LSAMP: variants seen among roughly 807,000 people sequenced by gnomAD.
The protein encoded by LSAMP is limbic system associated membrane protein.
Under a neutral mutation model 38.6 loss-of-function variants are expected in LSAMP, and 7 were observed. The ratio of observed to expected loss-of-function variants is 0.18; its 90% CI spans 0.10 to 0.34. The LOEUF is 0.34. LSAMP is among the 10% of genes least tolerant of loss of function. LSAMP has a pLI of 1.00. For missense variants in LSAMP, 313 were observed against 420.0 expected (o/e 0.75, Z 2.23); for synonymous variants, 154 against 166.8 (o/e 0.92, Z 0.59).
chr3:115,854,733 T>C (rs1220801646), intron 3 of LSAMP, among the ~76,000 whole-genome samples: 1 of 152,178 alleles, frequency 6.6e-6, no homozygotes, highest in Non-Finnish European at 1.5e-5. Context: ...GCATATTGTT[T>C]CTATGCACTA....
chr3:116,330,557 C>A (rs1030754846), intron 1 of LSAMP, among the ~76,000 whole-genome samples: 69 of 151,908 alleles, frequency 4.5e-4, no homozygotes, highest in African/African-American at 9.2e-4. Context: ...CTCCCCCCCC[C>A]ACAACCTTTT....
intron 3 of LSAMP, among the ~76,000 whole-genome samples, chr3:115,934,796 C>T (rs1287854115): frequency 6.6e-6 from 1 of 152,152 alleles, no homozygotes; most frequent in Non-Finnish European, 1.5e-5. Flanking sequence ...GCCTCTGTGT[C>T]ATTTTCTAAC....
chr3:116,034,397 T>G (rs1302165018), intron 2 of LSAMP, among the ~76,000 whole-genome samples: 1 of 152,118 alleles, frequency 6.6e-6, no homozygotes, highest in Non-Finnish European at 1.5e-5. Flanking sequence ...CCCTGTCTGT[T>G]CCTCTACCCA....
At chr3:116,130,212 C>T (rs1709093906) in intron 1 of LSAMP, among the ~76,000 whole-genome samples, 1 of 152,178 alleles carries the variant, frequency 6.6e-6, no homozygotes, top group Non-Finnish European at 1.5e-5. Context: ...CTCTCCTATC[C>T]CCTCATTACC....
At chr3:116,395,739 T>C (rs2048758893) in intron 1 of LSAMP, among the ~76,000 whole-genome samples, 1 of 152,182 alleles carries the variant, frequency 6.6e-6, no homozygotes, top group Non-Finnish European at 1.5e-5. Context: ...GTTTTGATTT[T>C]TAAAGTATTT....
chr3:116,053,472 AT>A (rs1238331502), intron 2 of LSAMP, among the ~76,000 whole-genome samples: 2 of 152,216 alleles, frequency 1.3e-5, no homozygotes, highest in Non-Finnish European at 2.9e-5. Flanking sequence ...AGGAAAGGTA[AT>A]TTATGAATTG....
At chr3:116,397,066 T>C (rs949282352) in intron 1 of LSAMP, among the ~76,000 whole-genome samples, 7 of 152,298 alleles carry the variant, frequency 4.6e-5, no homozygotes, top group Middle Eastern at 6.8e-3. Context: ...AGGTTGTTCT[T>C]TGAAAACGTT....
intron 1 of LSAMP, among the ~76,000 whole-genome samples, chr3:116,316,360 G>C (rs913636404): frequency 6.6e-6 from 1 of 152,138 alleles, no homozygotes; most frequent in Non-Finnish European, 1.5e-5. Context: ...ATTCATCAAA[G>C]TACCCTCCAT....
chr3:116,130,415 T>C (rs1709098610), intron 1 of LSAMP, among the ~76,000 whole-genome samples: 1 of 152,234 alleles, frequency 6.6e-6, no homozygotes, highest in Admixed American at 6.5e-5. Flanking sequence ...AGTTCTTACA[T>C]GAGGTGGCTT....
chr3:115,837,078 G>A (rs900063381), intron 6 of LSAMP, among the ~76,000 whole-genome samples: 1 of 152,154 alleles, frequency 6.6e-6, no homozygotes, highest in African/African-American at 2.4e-5. Flanking sequence ...GCATCATCAA[G>A]TGCTGTATGT....
chr3:116,391,359 CA>C (rs1441934413), intron 1 of LSAMP, among the ~76,000 whole-genome samples: 1 of 152,162 alleles, frequency 6.6e-6, no homozygotes, highest in Non-Finnish European at 1.5e-5. Context: ...TGCAGCCAGG[CA>C]GGACCCACTC....
chr3:115,866,393 A>G (rs1935859872), intron 3 of LSAMP, among the ~76,000 whole-genome samples: 1 of 152,130 alleles, frequency 6.6e-6, no homozygotes, highest in Non-Finnish European at 1.5e-5. Flanking sequence ...TATAATCACT[A>G]GATTTCCTTA....
intron 1 of LSAMP, among the ~76,000 whole-genome samples, chr3:116,293,454 A>G (rs966944902): frequency 6.6e-6 from 1 of 152,178 alleles, no homozygotes; most frequent in Non-Finnish European, 1.5e-5. Flanking sequence ...CAGAAATCCC[A>G]ACTGTTCTTA....
At chr3:115,908,833 TGTC>T (rs1244274688) in intron 3 of LSAMP, among the ~76,000 whole-genome samples, 1 of 152,180 alleles carries the variant, frequency 6.6e-6, no homozygotes, top group Non-Finnish European at 1.5e-5. Context: ...GCAGCTTGCC[TGTC>T]GTCATCTCCA....
intron 1 of LSAMP, among the ~76,000 whole-genome samples, chr3:116,400,897 G>A (rs2048832199): frequency 6.6e-6 from 1 of 152,088 alleles, no homozygotes; most frequent in African/African-American, 2.4e-5. Context: ...CAGTGGTTTG[G>A]TTGTACTGCT....
chr3:116,082,309 G>A (rs192319374), intron 2 of LSAMP, among the ~76,000 whole-genome samples: 4 of 152,112 alleles, frequency 2.6e-5, no homozygotes, highest in East Asian at 1.9e-4. Context: ...ACAAGAAAAC[G>A]AACAAGCAGG....
intron 1 of LSAMP, among the ~76,000 whole-genome samples, chr3:116,405,625 A>C (rs2048888783): frequency 6.6e-6 from 1 of 152,198 alleles, no homozygotes; most frequent in Admixed American, 6.6e-5. Context: ...CAACAGAAGC[A>C]CTAAGTTATA....
chr3:116,438,687 C>G (rs2049388758), intron 1 of LSAMP, among the ~76,000 whole-genome samples: 1 of 152,166 alleles, frequency 6.6e-6, no homozygotes, highest in African/African-American at 2.4e-5. Context: ...TTAGTGATAG[C>G]ATTAGAAGCA....
chr3:115,815,214 A>G (rs1241347845), intron 6 of LSAMP, among the ~76,000 whole-genome samples: 1 of 152,150 alleles, frequency 6.6e-6, no homozygotes, highest in African/African-American at 2.4e-5. Context: ...TTGTTTTATT[A>G]TTATTGTAGT....
Sources: allele counts gnomAD v4.1 joint callset (sites outside exome capture counted in the v4.1 genomes callset), GRCh38; gene constraint gnomAD v4.1.1; transcripts MANE v1.5; gene names NCBI Gene and HGNC (gene_info 2026-07-23, HGNC 2026-07-21).